Variants in FGD5 observed in about 807,000 individuals in gnomAD.
FGD5 encodes the protein FYVE, RhoGEF and PH domain-containing protein 5.
Under a neutral mutation model 133.4 loss-of-function variants are expected in FGD5, and 28 were observed. That is an observed-to-expected ratio of 0.21 (90% CI 0.16 to 0.29). The LOEUF is 0.29. Ranked by LOEUF, FGD5 falls within the 10% of genes least tolerant of loss-of-function variation. FGD5 has a pLI of 1.00. For missense variants in FGD5, 1,858 were observed against 1,895.2 expected, an observed-to-expected ratio of 0.98 and a Z score of 0.36; for synonymous variants, 810 against 776.5, an observed-to-expected ratio of 1.04 and a Z score of -0.72.
Position 14,922,186 on chromosome 3 carries a change from G to A in FGD5, c.3669+169G>A, listed in dbSNP as rs778184496. 4.4e-4 allele frequency: 430 copies of A among 974,776 alleles called. 4 individuals carry two copies. The highest frequency in any genetic ancestry group is 1.3e-3 in the Middle Eastern group (4 of 3,100). The allele number at this position is 974,776 out of a possible 1,614,324, so 60.4% of individuals were successfully genotyped here. ...CCCACCCTAGTCAGGGGCGGCCTCC[G>A]TGTAACCTAGGAGCCCAGCACCCAC... On this transcript the variant is annotated intron_variant, in intron 14 of 19. Transcript: ENST00000285046. The surrounding 1 kb of genome is among the most constrained non-coding windows in gnomAD (Gnocchi z 4.1).
chr3:14,894,443 A>G (rs760409163), intron 4 of FGD5, among the ~76,000 whole-genome samples: 1 of 147,566 alleles, frequency 6.8e-6, no homozygotes, highest in Non-Finnish European at 1.5e-5. Flanking sequence ...TTTTTGATGT[A>G]TTTGGTTTTC....
chr3:14,820,049 G>C lies in FGD5; in HGVS notation c.978G>C (p.Gln326His), dbSNP rs777036208. 1 of 1,614,050 alleles carries C rather than the reference G, an allele frequency of 6.2e-7. No homozygotes were observed. The highest frequency in any genetic ancestry group is 1.7e-5 in the Admixed American group (1 of 60,032). Residue 326 changes from glutamine (Q) to histidine (H), a missense_variant, in exon 1 of 20, where the codon CAG becomes CAC. By Grantham distance (24) the Gln-to-His change is conservative. Coordinates refer to ENST00000285046, the MANE Select transcript of FGD5 (RefSeq NM_152536.4). ...ATGAGTCCGCCGAGGAGAGCTGCCA[G>C]ATTGTCCCTTTTGAGAATGACTGCA... Reference protein sequence around the residue: ...AQDESAEESCQIVPFENDCME... With the variant: ...AQDESAEESCHIVPFENDCME...
At chr3:14,919,446 G>A (rs1453637139) in intron 13 of FGD5, among the ~76,000 whole-genome samples, 4 of 151,984 alleles carry the variant, frequency 2.6e-5, no homozygotes, top group Middle Eastern at 3.2e-3. Flanking sequence ...GTGAAACCCC[G>A]TCTCTACTAA....
chr3:14,811,025 T>C (rs182699116), intron 1 of FGD5, among the ~76,000 whole-genome samples: 1,930 of 151,546 alleles, frequency 0.013, 37 homozygotes, highest in African/African-American at 0.04. Flanking sequence ...GGCTCCGGGG[T>C]CCTCTCGCCG....
At position 14,868,392 on chromosome 3, in the gene FGD5, A is replaced by G. The variant is rs147631414; in HGVS notation, c.2658+4132A>G. 6.8e-3 allele frequency among the ~76,000 whole-genome samples: 1,040 copies of G among 152,270 alleles called. 7 individuals are homozygous for G. Among genetic ancestry groups the G allele is most frequent in the Non-Finnish European group, 0.011 (732 of 67,998 alleles). On this transcript the variant is annotated intron_variant, in intron 2 of 19. Coordinates refer to ENST00000285046, the MANE Select transcript of FGD5 (RefSeq NM_152536.4). ...TCTGCTCCTGCCCAGCAGGGCCCAC[A>G]TGCCCAGAGCTCTGCTCTTGCCGGG...
chr3:14,811,152 C>T (rs1199619881), intron 1 of FGD5, among the ~76,000 whole-genome samples: 3 of 152,122 alleles, frequency 2.0e-5, no homozygotes, highest in Non-Finnish European at 2.9e-5. Flanking sequence ...CGGCGTTCCC[C>T]GGAGTGAGGG....
At chr3:14,919,930 G>A (rs2038641766) in intron 13 of FGD5, among the ~76,000 whole-genome samples, 1 of 152,226 alleles carries the variant, frequency 6.6e-6, no homozygotes, top group South Asian at 2.1e-4. Flanking sequence ...CCTTTGGGAA[G>A]AGGATTTCTG....
intron 1 of FGD5, among the ~76,000 whole-genome samples, chr3:14,833,050 G>A (rs760580029): frequency 9.2e-5 from 14 of 152,140 alleles, no homozygotes; most frequent in Non-Finnish European, 1.6e-4. Flanking sequence ...TCTGAGCGAC[G>A]AATTAATGTG....
At chr3:14,893,414 C>T (rs1427880727) in intron 4 of FGD5, among the ~76,000 whole-genome samples, 1 of 152,180 alleles carries the variant, frequency 6.6e-6, no homozygotes, top group East Asian at 1.9e-4. Context: ...TGCAGTGACA[C>T]GACCATAGCT....
intron 1 of FGD5, among the ~76,000 whole-genome samples, chr3:14,827,054 G>A (rs1236982150): frequency 1.3e-5 from 2 of 152,150 alleles, no homozygotes; most frequent in African/African-American, 2.4e-5. Context: ...TATTATGACT[G>A]TATTTGTTAT....
At chr3:14,813,356 G>C (rs2036322870) in intron 1 of FGD5, among the ~76,000 whole-genome samples, 1 of 152,160 alleles carries the variant, frequency 6.6e-6, no homozygotes, top group Non-Finnish European at 1.5e-5. Flanking sequence ...CTTCCTGGTA[G>C]TGCCCTGTCG....
At chr3:14,833,710 A>G (rs1357444455) in intron 1 of FGD5, among the ~76,000 whole-genome samples, 2 of 152,206 alleles carry the variant, frequency 1.3e-5, no homozygotes, top group Admixed American at 1.3e-4. Context: ...GACCAGAGGA[A>G]GATCCAGTAC....
intron 10 of FGD5, among the ~76,000 whole-genome samples, chr3:14,908,323 T>C (rs1344343696): frequency 2.6e-5 from 4 of 152,186 alleles, no homozygotes; most frequent in Admixed American, 2.6e-4. Context: ...TAAACATCTA[T>C]TTGTATCTCC....
Position 14,922,002 on chromosome 3 carries a change from C to G in FGD5, c.3654C>G (p.Phe1218Leu). 1 of 1,561,768 alleles carries G rather than the reference C, an allele frequency of 6.4e-7. No individual in the cohort carries two copies. Among genetic ancestry groups the G allele is most frequent in the Non-Finnish European group, 8.7e-7 (1 of 1,152,902 alleles). Residue 1218 changes from phenylalanine to leucine, a missense_variant, in exon 14 of 20, where the codon TTC becomes TTG. Transcript: ENST00000285046. This position sits in a 1 kb window ranked among gnomAD's most constrained non-coding sequence, Gnocchi z 4.1. Reference protein sequence around the residue: ...EDYKAQALAAFHHSVEIRERL... With the variant: ...EDYKAQALAALHHSVEIRERL... The stretch of plus-strand genomic sequence containing the variant: ...ACAAGGCCCAGGCGCTGGCTGCATT[C>G]CACCATAGCGTGGAGGTGAGTGGGT...
chr3:14,815,187 G>A (rs1364357347), upstream of FGD5, among the ~76,000 whole-genome samples: 2 of 151,924 alleles, frequency 1.3e-5, no homozygotes, highest in African/African-American at 2.4e-5. Flanking sequence ...GATTCCTTTC[G>A]CCTCATCTGC....
In FGD5 at chr3:14,934,331, G is replaced by A. The variant is rs560326794; in HGVS notation, c.*1164G>A. On this transcript the variant is annotated 3_prime_UTR_variant, in exon 20 of 20. Transcript: ENST00000285046. ...GACAGGTTTTTACATAAAGCAAAGG[G>A]CATGTGAGGGGTGGGATTCCTTGTT... 6.6e-6 allele frequency: 1 copy of A among 152,222 alleles called. No homozygotes were observed. Among genetic ancestry groups the A allele is most frequent in the South Asian group, 2.1e-4 (1 of 4,818 alleles). 9.4% of individuals were successfully genotyped at this position (152,222 alleles called of 1,614,324 possible).
At chr3:14,850,658 C>A (rs1354694421) in intron 1 of FGD5, among the ~76,000 whole-genome samples, 1 of 152,200 alleles carries the variant, frequency 6.6e-6, no homozygotes, top group African/African-American at 2.4e-5. Flanking sequence ...TGACTGCTAC[C>A]TTCAAGGAAC....
chr3:14,923,504 G>A (rs1015702464), intron 16 of FGD5, among the ~76,000 whole-genome samples: 8 of 152,050 alleles, frequency 5.3e-5, no homozygotes, highest in African/African-American at 1.7e-4. Flanking sequence ...TGCCTGTAGC[G>A]CCTTTCTGGG....
chr3:14,877,625 G>A (rs550891594), intron 2 of FGD5, among the ~76,000 whole-genome samples: 43 of 152,286 alleles, frequency 2.8e-4, no homozygotes, highest in Admixed American at 9.2e-4. Flanking sequence ...CAGGCATCTT[G>A]ACTTCCAGCA....
Sources: allele counts gnomAD v4.1 joint callset (sites outside exome capture counted in the v4.1 genomes callset), GRCh38; gene constraint gnomAD v4.1.1; non-coding constraint Gnocchi (gnomAD v3.1); transcripts MANE v1.5; gene names NCBI Gene and HGNC (gene_info 2026-07-23, HGNC 2026-07-21).